PTPRT: variants seen among roughly 807,000 people sequenced by gnomAD.
The protein encoded by PTPRT is protein tyrosine phosphatase receptor type T, also known as receptor-type tyrosine-protein phosphatase T.
Under a neutral mutation model 176.8 loss-of-function variants are expected in PTPRT, and 56 were observed. That is an observed-to-expected ratio of 0.32 (90% CI 0.26 to 0.40). The LOEUF (loss-of-function observed/expected upper bound fraction) is 0.40. Ranked by LOEUF, PTPRT falls within the 10% of genes least tolerant of loss-of-function variation. The probability of loss-of-function intolerance (pLI) is 1.00; values close to 1 mark genes in which losing one functional copy is unlikely to be tolerated. For synonymous variants in PTPRT, 783 were observed against 739.0 expected (o/e 1.06, Z -0.96); for missense variants, 1,540 against 1,908.2 (o/e 0.81, Z 3.60).
chr20:42,875,690 A>C (rs2078918513), intron 2 of PTPRT, among the ~76,000 whole-genome samples: 1 of 152,192 alleles, frequency 6.6e-6, no homozygotes, highest in South Asian at 2.1e-4. Flanking sequence ...AGTGGCATAA[A>C]AAGAGATGGA....
chr20:42,181,777 C>T (rs531301972), intron 16 of PTPRT, among the ~76,000 whole-genome samples: 1 of 152,114 alleles, frequency 6.6e-6, no homozygotes, highest in Non-Finnish European at 1.5e-5. Context: ...GTTGTCTATG[C>T]AATCATGGTT....
At chr20:42,944,918 G>T (rs2146000595) in intron 1 of PTPRT, among the ~76,000 whole-genome samples, 1 of 152,050 alleles carries the variant, frequency 6.6e-6, no homozygotes, top group Non-Finnish European at 1.5e-5. Flanking sequence ...CCCTGTGCCT[G>T]GTACATAGCA....
chr20:42,866,388 A>G (rs1235622130), intron 2 of PTPRT, among the ~76,000 whole-genome samples: 2 of 152,170 alleles, frequency 1.3e-5, no homozygotes, highest in Non-Finnish European at 2.9e-5. Context: ...ACCCAAATCC[A>G]GTATCTTTGT....
chr20:42,833,942 G>A (rs1004706352), intron 2 of PTPRT, among the ~76,000 whole-genome samples: 1 of 152,086 alleles, frequency 6.6e-6, no homozygotes, highest in African/African-American at 2.4e-5. Context: ...TTGTGGCCTT[G>A]GACTAGGCTA....
chr20:42,043,617 A>C, the PTPRT span, among the ~76,000 whole-genome samples: 3 of 152,150 alleles, frequency 2.0e-5, no homozygotes, highest in African/African-American at 7.2e-5. Context: ...GACTGTGTGG[A>C]GCAGAGTCCC....
At chr20:42,711,450 C>T (rs1302088464) in intron 6 of PTPRT, among the ~76,000 whole-genome samples, 1 of 152,040 alleles carries the variant, frequency 6.6e-6, no homozygotes, top group African/African-American at 2.4e-5. Context: ...TTTAAAAGAG[C>T]CCAGCACCTC....
chr20:42,637,391 C>T lies in PTPRT; in HGVS notation c.1153+40475G>A, dbSNP rs926633811. ...GCCAGTCTCCTTGTTGCTAGCACCACTCAAGGCTCATTGTCCTCCTTGCTG... is the reference window on the plus strand; with the variant it reads ...GCCAGTCTCCTTGTTGCTAGCACCATTCAAGGCTCATTGTCCTCCTTGCTG... On this transcript the variant is annotated intron_variant, in intron 7 of 30. Transcript: ENST00000373187. Among the ~76,000 whole-genome samples the T allele has an allele frequency of 3.9e-5, 6 of 152,260 alleles. No individual in the cohort carries two copies. The South Asian group carries it at 1.2e-3, about 32-fold the overall frequency.
At chr20:42,738,579 C>T (rs751289999) in intron 6 of PTPRT, among the ~76,000 whole-genome samples, 10 of 152,014 alleles carry the variant, frequency 6.6e-5, no homozygotes, top group Admixed American at 2.6e-4. Context: ...TTTTCTTCTC[C>T]CCTCCATTAG....
intron 18 of PTPRT, among the ~76,000 whole-genome samples, chr20:42,141,687 C>G (rs554487635): frequency 2.0e-5 from 3 of 152,140 alleles, no homozygotes. Flanking sequence ...CTGCTCTGCC[C>G]TGACCCATCT....
chr20:43,108,202 C>A (rs767084843), intron 1 of PTPRT, among the ~76,000 whole-genome samples: 1 of 152,158 alleles, frequency 6.6e-6, no homozygotes, highest in Non-Finnish European at 1.5e-5. Flanking sequence ...ACTGGCCTGG[C>A]ATCTTCTGTT....
At chr20:43,005,617 T>C (rs543796040) in intron 1 of PTPRT, among the ~76,000 whole-genome samples, 2 of 152,148 alleles carry the variant, frequency 1.3e-5, no homozygotes, top group Non-Finnish European at 2.9e-5. Flanking sequence ...TCACTGTGTG[T>C]CTCCTTCACT....
At chr20:42,406,142 C>T (rs570240563) in intron 9 of PTPRT, among the ~76,000 whole-genome samples, 1 of 151,580 alleles carries the variant, frequency 6.6e-6, no homozygotes, top group East Asian at 1.9e-4. Flanking sequence ...AAAAAAGGAA[C>T]AAAATAACAA....
intron 7 of PTPRT, among the ~76,000 whole-genome samples, chr20:42,581,135 C>T (rs941681486): frequency 4.6e-5 from 7 of 152,106 alleles, no homozygotes; most frequent in Non-Finnish European, 1.0e-4. Flanking sequence ...AATGGCTGGC[C>T]GTATACTAGA....
At chr20:42,173,620 G>T (rs2223424) in intron 16 of PTPRT, among the ~76,000 whole-genome samples, 41,853 of 151,948 alleles carry the variant, frequency 0.28, 7,564 homozygotes, top group African/African-American at 0.51. Flanking sequence ...CGTTGAGTTT[G>T]CCAGAGCAAC....
chr20:43,128,834 C>A (rs1448405846), intron 1 of PTPRT, among the ~76,000 whole-genome samples: 1 of 152,146 alleles, frequency 6.6e-6, no homozygotes, highest in Non-Finnish European at 1.5e-5. Flanking sequence ...GTATCCTTCT[C>A]CCACAGCTGC....
chr20:42,290,178 G>GA (rs1211028492), intron 12 of PTPRT, among the ~76,000 whole-genome samples: 6 of 151,714 alleles, frequency 4.0e-5, no homozygotes, highest in South Asian at 4.2e-4. Context: ...CTGGGGAATG[G>GA]AAAAAAAAGC....
rs147395918 is a variant in PTPRT, at chr20:42,628,496, C to G, written c.1153+49370G>C. Among the ~76,000 whole-genome samples the G allele has an allele frequency of 1.0e-3, 153 of 152,178 alleles. 1 individual carries two copies. In the East Asian group the frequency reaches 0.024, roughly 24 times the overall value. ...TTTAATCTTAATATGGTTGATCCTTCCTTTTCTTTCTTTTTACCTCTCTTC... is the reference window on the plus strand; with the variant it reads ...TTTAATCTTAATATGGTTGATCCTTGCTTTTCTTTCTTTTTACCTCTCTTC... On this transcript the variant is annotated intron_variant, in intron 7 of 30. Transcript: ENST00000373187.
At chr20:42,632,400 T>G (rs1266778570) in intron 7 of PTPRT, among the ~76,000 whole-genome samples, 1 of 151,940 alleles carries the variant, frequency 6.6e-6, no homozygotes, top group Non-Finnish European at 1.5e-5. Context: ...AATTTTTGCA[T>G]TTTTAGTAGA....
intron 8 of PTPRT, among the ~76,000 whole-genome samples, chr20:42,456,107 C>T (rs57920496): frequency 0.14 from 21,644 of 151,842 alleles, 1,704 homozygotes; most frequent in Middle Eastern, 0.19. Context: ...TAGATTTATA[C>T]GTACATCTTG....
Sources: gnomAD v4.1 joint callset for allele counts (sites outside exome capture counted in the v4.1 genomes callset) on GRCh38, gnomAD v4.1.1 for gene constraint, MANE v1.5 for transcripts, NCBI Gene and HGNC (gene_info 2026-07-23, HGNC 2026-07-21) for gene names.